TNFRSF8: variants seen among roughly 807,000 people sequenced by gnomAD.
TNFRSF8 encodes the protein tumor necrosis factor receptor superfamily member 8.
In TNFRSF8, 26 loss-of-function variants were observed where a neutral mutation model predicts 70.8. The observed-to-expected ratio is 0.37, with a 90% CI of 0.27 to 0.51. The LOEUF is 0.51. Among genes scored for constraint, TNFRSF8 ranks in the 20% least tolerant of loss-of-function variants. The probability of loss-of-function intolerance (pLI) is 0.94; values close to 1 mark genes in which losing one functional copy is unlikely to be tolerated. For missense variants in TNFRSF8, 720 were observed against 807.9 expected (o/e 0.89, Z 1.32); for synonymous variants, 356 against 339.2 (o/e 1.05, Z -0.54).
Position 12,142,642 on chromosome 1 carries a change from C to T in TNFRSF8, c.*111C>T. The T allele has an allele frequency of 2.2e-6, 3 of 1,387,582 alleles. No homozygotes were observed. The highest frequency in any genetic ancestry group is 2.9e-6 in the Non-Finnish European group (3 of 1,040,186). The allele number at this position is 1,387,582 out of a possible 1,614,324, so 86.0% of individuals were successfully genotyped here. A position where few individuals can be genotyped will look rare whatever the true frequency, so the allele number is the denominator to read the frequency against. On this transcript the variant is annotated 3_prime_UTR_variant, in exon 15 of 15. Coordinates refer to ENST00000263932, the MANE Select transcript of TNFRSF8 (RefSeq NM_001243.5). The surrounding 1 kb of genome is among the most constrained non-coding windows in gnomAD (Gnocchi z 5.0). The stretch of plus-strand genomic sequence containing the variant: ...GAGGCCCATCTGGCCTGAACTGAGG[C>T]TCCAGCATCTAGTGGTGGACCGGCC...
intron 2 of TNFRSF8, among the ~76,000 whole-genome samples, chr1:12,092,509 CTT>C (rs60030428): frequency 0.012 from 1,498 of 129,986 alleles, 20 homozygotes; most frequent in African/African-American, 0.037. Flanking sequence ...TTTTTCTTGT[CTT>C]TTTTTTTTTT....
At chr1:12,082,903 T>TA (rs1259297430) in intron 1 of TNFRSF8, among the ~76,000 whole-genome samples, 1 of 151,938 alleles carries the variant, frequency 6.6e-6, no homozygotes, top group African/African-American at 2.4e-5. Context: ...TTGCAGTACA[T>TA]ATAATCAACA....
rs1047151656 is a variant in TNFRSF8, at chr1:12,143,770, G to A, written c.*1239G>A. 2.0e-5 allele frequency: 3 copies of A among 152,246 alleles called. No individual in the cohort carries two copies. Among genetic ancestry groups the A allele is most frequent in the African/African-American group, 7.2e-5 (3 of 41,454 alleles). The allele number at this position is 152,246 out of a possible 1,614,324, so 9.4% of individuals were successfully genotyped here. On this transcript the variant is annotated 3_prime_UTR_variant, in exon 15 of 15. Transcript: ENST00000263932. The surrounding 1 kb of genome is among the most constrained non-coding windows in gnomAD (Gnocchi z 4.1). ...ATGGATAAGGATGAGTCTTGGAGTT[G>A]CGGGCAGCCTGGAGACTCGTGGACT...
In TNFRSF8 at chr1:12,104,366, C is replaced by G; in HGVS notation, c.269-13C>G. 6.2e-7 allele frequency: 1 copy of G among 1,614,090 alleles called. No individual in the cohort carries two copies. Among genetic ancestry groups the G allele is most frequent in the Non-Finnish European group, 8.5e-7 (1 of 1,179,994 alleles). ...TTCTGTTCCCCTCTGTGACCCCTGT[C>G]TGTGTCCCTTAGACGACCTCGTGGA... On this transcript the variant is annotated splice_polypyrimidine_tract_variant and intron_variant, in intron 3 of 14. Coordinates refer to ENST00000263932, the MANE Select transcript of TNFRSF8 (RefSeq NM_001243.5).
intron 4 of TNFRSF8, among the ~76,000 whole-genome samples, chr1:12,106,267 C>G (rs765043838): frequency 2.6e-5 from 4 of 152,302 alleles, no homozygotes; most frequent in Middle Eastern, 3.4e-3. Context: ...GTGTGCTTCT[C>G]TGTCCCACCC....
rs537169038 is a variant in TNFRSF8, at chr1:12,141,809, G to A, written c.1544-478G>A. On this transcript the variant is annotated intron_variant, in intron 14 of 14. Coordinates refer to ENST00000263932, the MANE Select transcript of TNFRSF8 (RefSeq NM_001243.5). This position sits in a 1 kb window ranked among gnomAD's most constrained non-coding sequence, Gnocchi z 5.4. Reference sequence around the variant, plus strand: ...TTTTTGGGGGATTTCTCCTAACTACGTGGCGACCTTGGGCAGGTCATTTAA... The same window carrying A: ...TTTTTGGGGGATTTCTCCTAACTACATGGCGACCTTGGGCAGGTCATTTAA... 2.6e-5 allele frequency among the ~76,000 whole-genome samples: 4 copies of A among 152,276 alleles called. No individual in the cohort carries two copies. The highest frequency in any genetic ancestry group is 7.2e-5 in the African/African-American group (3 of 41,548).
intron 14 of TNFRSF8, among the ~76,000 whole-genome samples, chr1:12,140,330 G>A (rs757229569): frequency 2.6e-5 from 4 of 152,306 alleles, no homozygotes; most frequent in South Asian, 2.1e-4. Flanking sequence ...CCAGGGTAGC[G>A]TTCCCCCTTC....
chr1:12,087,295 G>A (rs1179769558), intron 2 of TNFRSF8, among the ~76,000 whole-genome samples: 1 of 151,690 alleles, frequency 6.6e-6, no homozygotes, highest in African/African-American at 2.4e-5. Context: ...AGCCTCCTGA[G>A]TAGCTGGGAT....
At position 12,126,186 on chromosome 1, in the gene TNFRSF8, T is replaced by A. The variant is rs1641936201; in HGVS notation, c.1259T>A (p.Leu420His). Residue 420 changes from leucine to histidine, a missense_variant, in exon 12 of 15, where the codon CTC (leucine) becomes CAC (histidine). Physicochemically the swap from Leu to His is moderately conservative, Grantham distance 99 (BLOSUM62 -3). Coordinates refer to ENST00000263932, the MANE Select transcript of TNFRSF8 (RefSeq NM_001243.5). ...CTTCCTCCTGGTGTCGTTTCAGAGC[T>A]CCACCTGTGCTACCCGGTCCAGACC... ...RACRKRIRQK[L>H]HLCYPVQTSQ... 2 of 1,614,014 alleles carry A rather than the reference T, an allele frequency of 1.2e-6. No individual in the cohort carries two copies. The highest frequency in any genetic ancestry group is 1.7e-6 in the Non-Finnish European group (2 of 1,180,034).
At chr1:12,104,848 C>G (rs1204750397) in intron 4 of TNFRSF8, among the ~76,000 whole-genome samples, 1 of 152,218 alleles carries the variant, frequency 6.6e-6, no homozygotes, top group Non-Finnish European at 1.5e-5. Flanking sequence ...CCTCAAGTCT[C>G]TGTCCTGGGA....
chr1:12,126,393 T>C (rs929923991), intron 12 of TNFRSF8, among the ~76,000 whole-genome samples, 157 bp downstream of exon 12: 2 of 152,158 alleles, frequency 1.3e-5, no homozygotes, highest in African/African-American at 4.8e-5. Flanking sequence ...AGGGATGCAA[T>C]GTGGGTGAAA....
chr1:12,123,244 T>C, intron 8 of TNFRSF8, 40 bp from the exon 9 acceptor site: 1 of 1,558,984 alleles, frequency 6.4e-7, no homozygotes, highest in Non-Finnish European at 8.8e-7. Flanking sequence ...GACACCAGCC[T>C]CCTTGGCGCT....
In TNFRSF8 at chr1:12,123,376, A is replaced by G. The variant is rs1270661966; in HGVS notation, c.1039A>G (p.Ser347Gly). ...CCCAGAGAATGGCGAGGCGCCTGCC[A>G]GGTGACTCCCCCACCCCTTCTCTCT... ...PTPENGEAPA[S>G]TSPTQSLLVD... Residue 347 changes from serine to glycine, a missense_variant and splice_region_variant, in exon 9 of 15, where the codon AGC (serine) becomes GGC (glycine). Coordinates refer to ENST00000263932, the MANE Select transcript of TNFRSF8 (RefSeq NM_001243.5). The G allele has an allele frequency of 4.4e-6, 7 of 1,605,986 alleles. No homozygotes were observed. In the Admixed American group the frequency reaches 5.1e-5, roughly 12 times the overall value.
At chr1:12,140,582 G>T (rs1464816530) in intron 14 of TNFRSF8, among the ~76,000 whole-genome samples, 1 of 152,172 alleles carries the variant, frequency 6.6e-6, no homozygotes, top group Non-Finnish European at 1.5e-5. Context: ...CCAGAGCGGG[G>T]CAGACCCCTC....
chr1:12,116,605 A>G (rs1263549867), intron 8 of TNFRSF8, among the ~76,000 whole-genome samples: 1 of 152,020 alleles, frequency 6.6e-6, no homozygotes, highest in Non-Finnish European at 1.5e-5. Context: ...GTTCAAGACC[A>G]GCCTGACCAA....
At chr1:12,064,171 A>T (rs1640697501) in intron 1 of TNFRSF8, among the ~76,000 whole-genome samples, 1 of 151,872 alleles carries the variant, frequency 6.6e-6, no homozygotes, top group South Asian at 2.1e-4. Flanking sequence ...GAGTGGGGTG[A>T]GGGTGCAGGA....
At chr1:12,120,889 G>A (rs1402689028) in intron 8 of TNFRSF8, among the ~76,000 whole-genome samples, 1 of 152,142 alleles carries the variant, frequency 6.6e-6, no homozygotes, top group African/African-American at 2.4e-5. Context: ...GGCACCCAAG[G>A]GATACTAGGT....
intron 12 of TNFRSF8, among the ~76,000 whole-genome samples, chr1:12,128,722 C>A (rs1382395998): frequency 6.6e-6 from 1 of 152,096 alleles, no homozygotes; most frequent in African/African-American, 2.4e-5. Flanking sequence ...GTTGTACAGC[C>A]CCTCTAGATG....
At position 12,110,818 on chromosome 1, in the gene TNFRSF8, G is replaced by A. The variant is rs905267729; in HGVS notation, c.676+614G>A. 8.6e-5 allele frequency among the ~76,000 whole-genome samples: 13 copies of A among 151,950 alleles called. No homozygotes were observed. The highest frequency in any genetic ancestry group is 7.2e-4 in the Admixed American group (11 of 15,272). On this transcript the variant is annotated intron_variant, in intron 6 of 14. Transcript: ENST00000263932. The surrounding 1 kb of genome is among the most constrained non-coding windows in gnomAD (Gnocchi z 4.0). ...TCACCATGTTGGTCAGGCTGGTCTC[G>A]AACTCCCGACCTCAGGTGATCCGCC...
Sources: gnomAD v4.1 joint callset for allele counts (sites outside exome capture counted in the v4.1 genomes callset) on GRCh38, gnomAD v4.1.1 for gene constraint, Gnocchi (gnomAD v3.1) non-coding constraint, MANE v1.5 for transcripts, NCBI Gene and HGNC (gene_info 2026-07-23, HGNC 2026-07-21) for gene names.